Variants in SORBS3 observed in about 807,000 individuals in gnomAD.
SORBS3 encodes the protein sorbin and SH3 domain containing 3.
A neutral mutation model predicts 98.0 loss-of-function variants in SORBS3; 69 were observed. That is an observed-to-expected ratio of 0.70 (90% CI 0.58 to 0.86). The LOEUF is 0.86. SORBS3 is among the 40% of genes least tolerant of loss of function. The probability of loss-of-function intolerance (pLI) is 0.00; values close to 1 mark genes in which losing one functional copy is unlikely to be tolerated. For missense variants in SORBS3, 954 were observed against 908.5 expected, an observed-to-expected ratio of 1.05 and a Z score of -0.64; for synonymous variants, 394 against 355.4, an observed-to-expected ratio of 1.11 and a Z score of -1.22.
upstream of SORBS3, among the ~76,000 whole-genome samples, chr8:22,548,006 G>C (rs1428166130): frequency 6.6e-6 from 1 of 152,222 alleles, no homozygotes; most frequent in Non-Finnish European, 1.5e-5. Context: ...TCTGTGCCAG[G>C]CAAGCCTGAG....
intron 10 of SORBS3, chr8:22,565,024 G>T: frequency 7.1e-7 from 1 of 1,399,194 alleles, no homozygotes; most frequent in Non-Finnish European, 9.3e-7. Context: ...CAGGACTGCG[G>T]AATCGCGGGA....
intron 20 of SORBS3, chr8:22,573,284 A>G: frequency 2.2e-6 from 1 of 453,954 alleles, no homozygotes; most frequent in Non-Finnish European, 4.4e-6. Flanking sequence ...AATTTACTGG[A>G]TACACTTTTG....
chr8:22,574,608 C>A, intron 20 of SORBS3, 59 bp from the exon 21 acceptor site: 4 of 1,541,592 alleles, frequency 2.6e-6, no homozygotes, highest in South Asian at 1.1e-5. Flanking sequence ...AGGCCCTCAC[C>A]CCTGCATCCC....
chr8:22,573,693 G>A, intron 20 of SORBS3, among the ~76,000 whole-genome samples: 1 of 152,196 alleles, frequency 6.6e-6, no homozygotes, highest in Non-Finnish European at 1.5e-5. Flanking sequence ...GACGAGCACG[G>A]GCTGCCCCCA....
intron 7 of SORBS3, among the ~76,000 whole-genome samples, chr8:22,562,403 T>C (rs1050335009): frequency 2.0e-5 from 3 of 152,192 alleles, no homozygotes; most frequent in African/African-American, 4.8e-5. Flanking sequence ...CTTGGAGGGA[T>C]AAGGATGACA....
chr8:22,565,727 T>G, intron 11 of SORBS3, 99 bp from the exon 12 acceptor site: 1 of 1,244,260 alleles, frequency 8.0e-7, no homozygotes, highest in Admixed American at 4.3e-5. Context: ...CCGCCCGCTC[T>G]CCTCCCCTCC....
At chr8:22,561,159 G>A (rs539391713) in intron 5 of SORBS3, 176 bp from the exon 6 acceptor site, 1 of 588,420 alleles carries the variant, frequency 1.7e-6, no homozygotes, top group African/African-American at 1.9e-5. Context: ...GGCATTTCAA[G>A]CCCTCCAGAG....
chr8:22,564,544 G>A (rs1840365369), intron 10 of SORBS3, 23 bp downstream of exon 10: 3 of 1,613,374 alleles, frequency 1.9e-6, no homozygotes, highest in Non-Finnish European at 2.5e-6. Context: ...GGGTGCTGGG[G>A]ACAGCAGCCT....
Position 22,574,883 on chromosome 8 carries a change from C to A in SORBS3, c.*155C>A. The A allele has an allele frequency of 1.4e-6, 1 of 734,888 alleles. No individual in the cohort carries two copies. Among genetic ancestry groups the A allele is most frequent in the Non-Finnish European group, 2.4e-6 (1 of 411,360 alleles). The allele number at this position is 734,888 out of a possible 1,614,324, so 45.5% of individuals were successfully genotyped here. ...CGCAGCCTTTCCCTCGGACCCCCCTCGAAGCCCCCTGGACTGATTCCCACC... is the reference window on the plus strand; with the variant it reads ...CGCAGCCTTTCCCTCGGACCCCCCTAGAAGCCCCCTGGACTGATTCCCACC... On this transcript the variant is annotated 3_prime_UTR_variant, in exon 21 of 21. Coordinates refer to ENST00000240123, the MANE Select transcript of SORBS3 (RefSeq NM_005775.5).
chr8:22,553,091 C>T (rs1188213490), intron 1 of SORBS3, among the ~76,000 whole-genome samples: 1 of 152,098 alleles, frequency 6.6e-6, no homozygotes, highest in East Asian at 1.9e-4. Context: ...GCTGAGTCAT[C>T]CCAGCCTTAT....
In SORBS3 at chr8:22,561,878, A is replaced by G; in HGVS notation, c.531A>G (p.Leu177=). 1 of 1,614,124 alleles carries G rather than the reference A, an allele frequency of 6.2e-7. No individual in the cohort carries two copies. The highest frequency in any genetic ancestry group is 1.6e-4 in the Middle Eastern group (1 of 6,062). ...FEEPPRDPRH[L]GAQQRPAHRP... is the part of the protein sequence containing the mutation. The stretch of plus-strand genomic sequence containing the variant: ...CCTCCTCTGCAGACCCCAGGCATCT[A>G]GGAGCCCAGCAAAGACCTGCCCACA... Residue 177 remains leucine, a synonymous_variant, in exon 7 of 21, where the codon CTA becomes CTG. Coordinates refer to ENST00000240123, the MANE Select transcript of SORBS3 (RefSeq NM_005775.5).
chr8:22,549,044 G>T (rs547962185), upstream of SORBS3, among the ~76,000 whole-genome samples: 2 of 152,334 alleles, frequency 1.3e-5, no homozygotes, highest in African/African-American at 4.8e-5. Context: ...CAGAACAAAA[G>T]GTGCAGCCTC....
In SORBS3 at chr8:22,567,071, C is replaced by T; in HGVS notation, c.1201C>T (p.Leu401=). The T allele has an allele frequency of 6.2e-7, 1 of 1,613,092 alleles. No homozygotes were observed. Among genetic ancestry groups the T allele is most frequent in the Non-Finnish European group, 8.5e-7 (1 of 1,179,454 alleles). ...CGTCCCCACCTGCAGGGAGCTGACT[C>T]TGCAGAAGGGTGACATTGTCTACAT... ...FQAQSPKELT[L]QKGDIVYIHK... The change falls in exon 16 of 21, where the codon CTG becomes TTG. Residue 401 remains leucine (L), a synonymous_variant. Coordinates refer to ENST00000240123, the MANE Select transcript of SORBS3 (RefSeq NM_005775.5).
intron 4 of SORBS3, 97 bp downstream of exon 4, chr8:22,557,005 C>T (rs1432515417): frequency 5.9e-6 from 8 of 1,345,640 alleles, no homozygotes; most frequent in East Asian, 2.4e-5. Context: ...CAATAAAGGC[C>T]GCACCCAAAC....
intron 5 of SORBS3, 85 bp from the exon 6 acceptor site, chr8:22,561,250 T>G: frequency 7.5e-7 from 1 of 1,337,288 alleles, no homozygotes; most frequent in Non-Finnish European, 1.0e-6. Context: ...TCTAGGGATG[T>G]TGGGAGCGGC....
intron 4 of SORBS3, among the ~76,000 whole-genome samples, chr8:22,557,320 C>T (rs1424832735): frequency 2.0e-5 from 3 of 152,148 alleles, no homozygotes; most frequent in Admixed American, 6.5e-5. Context: ...CTGTGGCAAG[C>T]GTGGAAGGAT....
chr8:22,560,056 CAAAA>C (rs968530613), intron 5 of SORBS3, among the ~76,000 whole-genome samples: 3 of 96,718 alleles, frequency 3.1e-5, no homozygotes, highest in Non-Finnish European at 4.2e-5. Flanking sequence ...GACTCAGTCT[CAAAA>C]AAAAAAAAAA....
In SORBS3 at chr8:22,561,908, C is replaced by T; in HGVS notation, c.561C>T (p.Pro187=). Residue 187 remains proline (P), a synonymous_variant, in exon 7 of 21, where the codon CCC becomes CCT. Coordinates refer to ENST00000240123, the MANE Select transcript of SORBS3 (RefSeq NM_005775.5). ...LGAQQRPAHR[P]GPATSSSGRS... ...CCCAGCAAAGACCTGCCCACAGGCC[C>T]GGCCCGGCAACATCTTCCAGTGGGT... 2 of 1,614,126 alleles carry T rather than the reference C, an allele frequency of 1.2e-6. No homozygotes were observed. The highest frequency in any genetic ancestry group is 2.2e-5 in the East Asian group (1 of 44,888).
chr8:22,568,074 A>C (rs1199886734), intron 16 of SORBS3, among the ~76,000 whole-genome samples: 2 of 151,606 alleles, frequency 1.3e-5, no homozygotes, highest in Non-Finnish European at 2.9e-5. Flanking sequence ...CTGGTCTCGA[A>C]CTCCTGACCT....
Sources: allele counts gnomAD v4.1 joint callset (sites outside exome capture counted in the v4.1 genomes callset), GRCh38; gene constraint gnomAD v4.1.1; transcripts MANE v1.5; gene names NCBI Gene and HGNC (gene_info 2026-07-23, HGNC 2026-07-21).